The following MBD5 variants were observed in gnomAD, a reference collection of about 807,000 sequenced individuals.
The protein encoded by MBD5 is methyl-CpG binding domain protein 5, also known as methyl-CpG-binding domain protein 5.
In MBD5, 13 loss-of-function variants were observed where a neutral mutation model predicts 117.3. The observed-to-expected ratio is 0.11, with a 90% CI of 0.07 to 0.18. MBD5 has a LOEUF of 0.18. Among genes scored for constraint, MBD5 ranks in the 10% least tolerant of loss-of-function variants. MBD5 has a pLI of 1.00. For synonymous variants in MBD5, 727 were observed against 766.4 expected (o/e 0.95, Z 0.85); for missense variants, 1,879 against 2,093.8 (o/e 0.90, Z 2.00).
intron 3 of MBD5, among the ~76,000 whole-genome samples, chr2:148,274,399 C>A (rs1574225791): frequency 6.6e-6 from 1 of 150,850 alleles, no homozygotes; most frequent in African/African-American, 2.4e-5. Flanking sequence ...CCATGACAGG[C>A]CCCGGTCACA....
chr2:148,275,314 T>G (rs1701082265), intron 3 of MBD5, among the ~76,000 whole-genome samples: 1 of 152,158 alleles, frequency 6.6e-6, no homozygotes, highest in Non-Finnish European at 1.5e-5. Flanking sequence ...CTTCTTACCT[T>G]CTCACATTTT....
chr2:148,406,028 T>C lies in MBD5; in HGVS notation c.-556-52175T>C, dbSNP rs12619794. Among the ~76,000 whole-genome samples the C allele has an allele frequency of 2.6e-4, 40 of 152,048 alleles. 1 individual carries two copies. The South Asian group carries it at 7.9e-3, about 30-fold the overall frequency. ...TAAGTTGATTTAAATAAATAAATAATTAATTAATTAATAAAAATTAGCCAG... is the reference window on the plus strand; with the variant it reads ...TAAGTTGATTTAAATAAATAAATAACTAATTAATTAATAAAAATTAGCCAG... On this transcript the variant is annotated intron_variant, in intron 4 of 13. Coordinates refer to ENST00000642680, the MANE Select transcript of MBD5 (RefSeq NM_001378120.1).
chr2:148,188,726 A>T (rs1698737709), intron 2 of MBD5, among the ~76,000 whole-genome samples: 1 of 152,024 alleles, frequency 6.6e-6, no homozygotes, highest in Admixed American at 6.6e-5. Context: ...AAAGAAGACA[A>T]CATTAAAAAT....
chr2:148,258,349 C>T (rs1215974774), intron 3 of MBD5, among the ~76,000 whole-genome samples: 3 of 152,168 alleles, frequency 2.0e-5, no homozygotes, highest in Non-Finnish European at 4.4e-5. Context: ...TTCACTGACT[C>T]GCTTTCATAA....
At chr2:148,391,746 C>T (rs1158931869) in intron 4 of MBD5, among the ~76,000 whole-genome samples, 1 of 151,986 alleles carries the variant, frequency 6.6e-6, no homozygotes, top group Non-Finnish European at 1.5e-5. Context: ...AGCCTAATTC[C>T]CTGAAAGCTA....
intron 1 of MBD5, among the ~76,000 whole-genome samples, chr2:148,114,543 A>G (rs1032131302): frequency 2.6e-5 from 4 of 152,188 alleles, no homozygotes; most frequent in Admixed American, 6.5e-5. Context: ...TAAGGACTCT[A>G]TACCAAAATG....
chr2:148,169,920 C>T (rs1211906793), intron 1 of MBD5, among the ~76,000 whole-genome samples: 1 of 145,108 alleles, frequency 6.9e-6, no homozygotes, highest in East Asian at 2.0e-4. Context: ...TTTTTTGAGA[C>T]GGAGTCTCGC....
chr2:148,092,527 G>A (rs560689230), intron 1 of MBD5, among the ~76,000 whole-genome samples: 1 of 152,320 alleles, frequency 6.6e-6, no homozygotes, highest in East Asian at 1.9e-4. Context: ...CAACCTGGAT[G>A]GAGTGGGGAC....
intron 1 of MBD5, among the ~76,000 whole-genome samples, chr2:148,118,292 T>C (rs1696685925): frequency 6.6e-6 from 1 of 152,176 alleles, no homozygotes; most frequent in Non-Finnish European, 1.5e-5. Flanking sequence ...ATTAGCTTAT[T>C]GCTGTAAGTC....
At chr2:148,115,019 A>C (rs1366654439) in intron 1 of MBD5, among the ~76,000 whole-genome samples, 2 of 152,122 alleles carry the variant, frequency 1.3e-5, no homozygotes, top group Non-Finnish European at 2.9e-5. Flanking sequence ...CTGCATATAC[A>C]TACATATATA....
At chr2:148,187,348 C>A (rs2105886178) in intron 2 of MBD5, among the ~76,000 whole-genome samples, 1 of 150,306 alleles carries the variant, frequency 6.7e-6, no homozygotes. Flanking sequence ...TGTCCTGATA[C>A]TATGAGGCAT....
chr2:148,396,909 T>C (rs2105041464), intron 4 of MBD5, among the ~76,000 whole-genome samples: 1 of 152,286 alleles, frequency 6.6e-6, no homozygotes, highest in South Asian at 2.1e-4. Context: ...TATAGATAAA[T>C]TTTTCTGCAA....
chr2:148,512,791 C>G, intron 13 of MBD5, 79 bp from the exon 14 acceptor site: 1 of 1,304,502 alleles, frequency 7.7e-7, no homozygotes, highest in Non-Finnish European at 1.1e-6. Context: ...CCCTACCCTG[C>G]TCCTTTGTCA....
chr2:148,217,349 TGAG>T (rs1365440244), intron 2 of MBD5, among the ~76,000 whole-genome samples: 1 of 152,142 alleles, frequency 6.6e-6, no homozygotes, highest in African/African-American at 2.4e-5. Flanking sequence ...ACACCAAAGA[TGAG>T]GAGAGAGGGA....
chr2:148,158,876 T>G (rs535479685), intron 1 of MBD5, among the ~76,000 whole-genome samples: 1 of 152,344 alleles, frequency 6.6e-6, no homozygotes, highest in Non-Finnish European at 1.5e-5. Context: ...CCCGCCACCA[T>G]GCCTGGCTAA....
intron 4 of MBD5, among the ~76,000 whole-genome samples, chr2:148,345,352 C>T (rs1193956343): frequency 2.1e-5 from 3 of 145,504 alleles, no homozygotes; most frequent in South Asian, 2.2e-4. Flanking sequence ...TATACATATA[C>T]ACATATACAC....
chr2:148,365,178 A>G (rs182309750), intron 4 of MBD5, among the ~76,000 whole-genome samples: 2 of 152,378 alleles, frequency 1.3e-5, no homozygotes, highest in East Asian at 1.9e-4. Flanking sequence ...ACTCAGGATT[A>G]CAAAACTCAC....
chr2:148,151,789 C>G (rs562944710), intron 1 of MBD5, among the ~76,000 whole-genome samples: 1,801 of 151,712 alleles, frequency 0.012, 41 homozygotes, highest in African/African-American at 0.041. Context: ...GTGGTGATAT[C>G]CCCTTTATCA....
intron 1 of MBD5, among the ~76,000 whole-genome samples, chr2:148,164,340 A>T (rs1353681590): frequency 1.3e-5 from 2 of 151,900 alleles, no homozygotes; most frequent in Non-Finnish European, 2.9e-5. Flanking sequence ...ATACTAGAGG[A>T]TCCCTGTTGC....
Sources: gnomAD v4.1 joint callset for allele counts (sites outside exome capture counted in the v4.1 genomes callset) on GRCh38, gnomAD v4.1.1 for gene constraint, MANE v1.5 for transcripts, NCBI Gene and HGNC (gene_info 2026-07-23, HGNC 2026-07-21) for gene names.